DNAH2: variants seen among roughly 807,000 people sequenced by gnomAD.
DNAH2 encodes the protein dynein axonemal heavy chain 2.
DNAH2 carries 323 observed loss-of-function variants against 523.5 expected under a neutral mutation model. That is an observed-to-expected ratio of 0.62 (90% confidence interval 0.56 to 0.68). DNAH2 has a LOEUF of 0.68. DNAH2 is among the 30% of genes least tolerant of loss of function. The pLI is 0.00. For synonymous variants in DNAH2, 2,093 were observed against 2,177.4 expected, an observed-to-expected ratio of 0.96 and a Z score of 1.08; for missense variants, 4,907 against 5,701.5, an observed-to-expected ratio of 0.86 and a Z score of 4.49.
At chr17:7,746,825 A>G (rs998620686) in intron 12 of DNAH2, among the ~76,000 whole-genome samples, 1 of 152,082 alleles carries the variant, frequency 6.6e-6, no homozygotes, top group Non-Finnish European at 1.5e-5. Context: ...CGTCTCTACT[A>G]AAAATACAAA....
chr17:7,731,553 T>C (rs1371510564), intron 4 of DNAH2, among the ~76,000 whole-genome samples: 1 of 152,120 alleles, frequency 6.6e-6, no homozygotes, highest in East Asian at 1.9e-4. Flanking sequence ...ATTTTCTATA[T>C]GTATATAGCT....
chr17:7,784,730 G>A (rs1260438607), intron 39 of DNAH2, among the ~76,000 whole-genome samples: 1 of 152,150 alleles, frequency 6.6e-6, no homozygotes, highest in East Asian at 1.9e-4. Context: ...ACTGCTATCA[G>A]GCAAAGCAGA....
intron 46 of DNAH2, 51 bp downstream of exon 46, chr17:7,792,394 G>A (rs940246531): frequency 6.3e-7 from 1 of 1,583,724 alleles, no homozygotes; most frequent in Admixed American, 1.7e-5. Flanking sequence ...GGTAGGTGGG[G>A]GATGTGGCAA....
intron 11 of DNAH2, 81 bp from the exon 12 acceptor site, chr17:7,742,847 C>T (rs1448537764): frequency 5.9e-6 from 6 of 1,020,808 alleles, no homozygotes; most frequent in Admixed American, 7.1e-5. Context: ...CGCATGCGCG[C>T]ATGTGTAGGT....
intron 3 of DNAH2, among the ~76,000 whole-genome samples, chr17:7,726,450 T>C (rs1283828130): frequency 6.6e-6 from 1 of 151,520 alleles, no homozygotes. Context: ...ATTACAGGCA[T>C]GCACCACCAC....
rs974039268 is a variant in DNAH2, at chr17:7,754,592, C to T, written c.1905-2499C>T. 1.5e-5 allele frequency: 23 copies of T among 1,499,920 alleles called. No homozygotes were observed. In the African/African-American group the frequency reaches 2.5e-4, roughly 16 times the overall value. 92.9% of individuals were successfully genotyped at this position (1,499,920 alleles called of 1,614,324 possible). A position where few individuals can be genotyped will look rare whatever the true frequency, so the allele number is the denominator to read the frequency against. Reference sequence around the variant, plus strand: ...ATGCCAAGGCCATGAGTCCACGTGCCGAGGCTCTCAAGGCCCTCGTAAAGC... The same window carrying T: ...ATGCCAAGGCCATGAGTCCACGTGCTGAGGCTCTCAAGGCCCTCGTAAAGC... On this transcript the variant is annotated intron_variant, in intron 12 of 85. Transcript: ENST00000572933. The surrounding 1 kb of genome is among the most constrained non-coding windows in gnomAD (Gnocchi z 4.6).
intron 7 of DNAH2, among the ~76,000 whole-genome samples, chr17:7,735,747 A>G (rs1024402886): frequency 6.7e-6 from 1 of 148,924 alleles, no homozygotes; most frequent in Non-Finnish European, 1.5e-5. Context: ...CTCAATTGTT[A>G]ATTTTTTTTA....
At position 7,780,225 on chromosome 17, in the gene DNAH2, C is replaced by T; in HGVS notation, c.5791C>T (p.Pro1931Ser). 6.2e-7 allele frequency: 1 copy of T among 1,614,170 alleles called. No homozygotes were observed. Among genetic ancestry groups the T allele is most frequent in the South Asian group, 1.1e-5 (1 of 91,084 alleles). ...SMFRPIAMVV[P>S]DSTLIAEIIL... is the part of the protein sequence containing the mutation. ...GTTCCGCCCAATTGCCATGGTGGTGCCTGACTCCACCCTCATTGCAGAAAT... is the reference window on the plus strand; with the variant it reads ...GTTCCGCCCAATTGCCATGGTGGTGTCTGACTCCACCCTCATTGCAGAAAT... The change falls in exon 37 of 86, where the codon CCT becomes TCT. Residue 1931 changes from proline to serine, a missense_variant. Physicochemically the swap from Pro to Ser is moderately conservative, Grantham distance 74. Transcript: ENST00000572933. The surrounding 1 kb of genome is among the most constrained non-coding windows in gnomAD (Gnocchi z 4.4).
chr17:7,808,580 T>C (rs1393829802), intron 63 of DNAH2, among the ~76,000 whole-genome samples: 4 of 152,074 alleles, frequency 2.6e-5, no homozygotes, highest in Admixed American at 2.6e-4. Context: ...CAATAAGAAG[T>C]TTCCCCTCGC....
At position 7,752,432 on chromosome 17, in the gene DNAH2, C is replaced by T. The variant is rs189324217; in HGVS notation, c.1905-4659C>T. 7.5e-3 allele frequency among the ~76,000 whole-genome samples: 1,146 copies of T among 151,974 alleles called. 10 individuals are homozygous for T. The highest frequency in any genetic ancestry group is 0.025 in the African/African-American group (1,045 of 41,414). On this transcript the variant is annotated intron_variant, in intron 12 of 85. Transcript: ENST00000572933. ...ATACGTAAAACTTGTATGTTCAGGC[C>T]GCGCGCGGTGGCTCACGCCTGTAAT... is the stretch of plus-strand genomic sequence containing the variant.
intron 11 of DNAH2, among the ~76,000 whole-genome samples, chr17:7,741,280 T>G (rs2075320477): frequency 1.7e-5 from 1 of 57,796 alleles, no homozygotes; most frequent in South Asian, 9.7e-4. Context: ...CTTTCTTTCT[T>G]TCTTTCTTTC....
chr17:7,788,238 G>A lies in DNAH2; in HGVS notation c.6894G>A (p.Glu2298=), dbSNP rs1196498604. ...TGTACTCTGCCCTGGCCACGCCAGA[G>A]AATGGGGTAAGGGGAGGACACAGAC... The part of the protein sequence containing the change: ...CKLYSALATP[E]NGVNPADGEN... Residue 2298 remains glutamate, a synonymous_variant, in exon 44 of 86, where the codon GAG becomes GAA. Transcript: ENST00000572933. The A allele has an allele frequency of 1.3e-6, 2 of 1,585,494 alleles. No homozygotes were observed. The highest frequency in any genetic ancestry group is 2.3e-5 in the South Asian group (2 of 87,562).
At chr17:7,721,525 G>A (rs1312427398) in intron 2 of DNAH2, among the ~76,000 whole-genome samples, 1 of 143,580 alleles carries the variant, frequency 7.0e-6, no homozygotes, top group African/African-American at 2.5e-5. Context: ...TTTTCCCAAG[G>A]GAGTTGGATC....
chr17:7,761,080 G>A, intron 18 of DNAH2, 148 bp downstream of exon 18: 1 of 1,021,042 alleles, frequency 9.8e-7, no homozygotes, highest in African/African-American at 1.6e-5. Context: ...CTAGGACATT[G>A]GACCTTTGCT....
At chr17:7,755,600 A>G (rs2075813435) in intron 12 of DNAH2, among the ~76,000 whole-genome samples, 1 of 152,092 alleles carries the variant, frequency 6.6e-6, no homozygotes, top group Admixed American at 6.6e-5. Flanking sequence ...CTTGAGGACC[A>G]ATGCTGGGAT....
chr17:7,817,802 G>A lies in DNAH2; in HGVS notation c.10182G>A (p.Met3394Ile). The change falls in exon 67 of 86, where the codon ATG (methionine) becomes ATA (isoleucine). Residue 3394 changes from methionine (M) to isoleucine (I), a missense_variant. Met to Ile is a conservative substitution (Grantham distance 10, BLOSUM62 1). Around this residue, in one of 3 missense-constraint regions of DNAH2, gnomAD observed 1,851 missense variants for 2,139.4 expected, o/e 0.87. Transcript: ENST00000572933. ...IVTRGNRWALMIDPQAQALKW... is the reference protein window; with the variant it reads ...IVTRGNRWALIIDPQAQALKW... ...ACTCCCCTTCCAGGTGGGCACTGATGATCGACCCTCAGGCCCAGGCCCTGA... is the reference window on the plus strand; with the variant it reads ...ACTCCCCTTCCAGGTGGGCACTGATAATCGACCCTCAGGCCCAGGCCCTGA... 1.2e-6 allele frequency: 2 copies of A among 1,614,086 alleles called. No homozygotes were observed. Among genetic ancestry groups the A allele is most frequent in the Non-Finnish European group, 1.7e-6 (2 of 1,180,012 alleles).
At chr17:7,743,714 G>A (rs1337048899) in intron 12 of DNAH2, 5 of 222,736 alleles carry the variant, frequency 2.2e-5, no homozygotes, top group East Asian at 1.2e-4. Context: ...CAGTGATGTC[G>A]CTGTTCTGCC....
chr17:7,815,260 G>A (rs950671420), intron 63 of DNAH2, among the ~76,000 whole-genome samples: 17 of 152,254 alleles, frequency 1.1e-4, no homozygotes, highest in African/African-American at 3.1e-4. Context: ...GCGAGGCTCC[G>A]AAAGGATGAA....
chr17:7,820,782 G>A (rs2077829219), intron 72 of DNAH2, among the ~76,000 whole-genome samples: 1 of 152,168 alleles, frequency 6.6e-6, no homozygotes, highest in Admixed American at 6.5e-5. Context: ...GCTCACACCT[G>A]TAATCCCAGC....
Sources: allele counts gnomAD v4.1 joint callset (sites outside exome capture counted in the v4.1 genomes callset), GRCh38; gene constraint gnomAD v4.1.1; regional missense constraint gnomAD v4.1.1; non-coding constraint Gnocchi (gnomAD v3.1); transcripts MANE v1.5; gene names NCBI Gene and HGNC (gene_info 2026-07-23, HGNC 2026-07-21).